Variants in KCTD5 observed in about 807,000 individuals in gnomAD.
The protein encoded by KCTD5 is BTB/POZ domain-containing protein KCTD5.
A neutral mutation model predicts 27.9 loss-of-function variants in KCTD5; 12 were observed. The observed-to-expected ratio is 0.43, with a 90% CI of 0.28 to 0.70. The LOEUF (loss-of-function observed/expected upper bound fraction) is 0.70. Ranked by LOEUF, KCTD5 falls within the 30% of genes least tolerant of loss-of-function variation. The pLI, the probability that KCTD5 is intolerant of heterozygous loss-of-function variation, is 0.19. For synonymous variants in KCTD5, 147 were observed against 121.4 expected (o/e 1.21, Z -1.39); for missense variants, 226 against 274.8 (o/e 0.82, Z 1.26).
At chr16:2,682,860 C>T in intron 1 of KCTD5, 60 bp downstream of exon 1, 1 of 1,521,000 alleles carries the variant, frequency 6.6e-7, no homozygotes, top group Non-Finnish European at 8.7e-7. Flanking sequence ...GGCTCCTGCA[C>T]ACGCCCTGCT....
chr16:2,701,957 C>G (rs1411892439), intron 4 of KCTD5, among the ~76,000 whole-genome samples: 1 of 152,200 alleles, frequency 6.6e-6, no homozygotes, highest in Admixed American at 6.5e-5. Context: ...CAGCGGCTTT[C>G]GGTCCAGTCA....
intron 5 of KCTD5, among the ~76,000 whole-genome samples, chr16:2,702,746 C>T (rs1402837811): frequency 6.6e-6 from 1 of 152,184 alleles, no homozygotes; most frequent in Non-Finnish European, 1.5e-5. Flanking sequence ...CTTAGGAATG[C>T]CACTGAGGGC....
chr16:2,688,332 C>G (rs559783131), intron 1 of KCTD5, among the ~76,000 whole-genome samples: 2 of 151,280 alleles, frequency 1.3e-5, no homozygotes, highest in East Asian at 1.9e-4. Context: ...CTCACTGCAA[C>G]CTCTGCCTCC....
chr16:2,698,920 G>A (rs1005971889), intron 3 of KCTD5, among the ~76,000 whole-genome samples: 6 of 152,228 alleles, frequency 3.9e-5, no homozygotes, highest in African/African-American at 1.2e-4. Context: ...CCCTGCCTCA[G>A]TCTACCTACC....
At chr16:2,690,558 TC>T (rs1384594545) in intron 1 of KCTD5, among the ~76,000 whole-genome samples, 1 of 152,182 alleles carries the variant, frequency 6.6e-6, no homozygotes, top group Non-Finnish European at 1.5e-5. Flanking sequence ...CTTCCTGAGA[TC>T]AAGCGCAGCC....
chr16:2,691,125 G>A (rs2067564774), intron 1 of KCTD5, among the ~76,000 whole-genome samples: 1 of 152,206 alleles, frequency 6.6e-6, no homozygotes, highest in Non-Finnish European at 1.5e-5. Flanking sequence ...AGGCCACAGC[G>A]AGACCCGAAC....
In KCTD5 at chr16:2,708,901, T is replaced by C. The variant is rs1567197682; in HGVS notation, c.*1574T>C. 6.6e-6 allele frequency: 1 copy of C among 152,244 alleles called. No individual in the cohort carries two copies. Among genetic ancestry groups the C allele is most frequent in the Non-Finnish European group, 1.5e-5 (1 of 68,034 alleles). 9.4% of individuals were successfully genotyped at this position (152,244 alleles called of 1,614,324 possible). On this transcript the variant is annotated 3_prime_UTR_variant, in exon 6 of 6. Coordinates refer to ENST00000301738, the MANE Select transcript of KCTD5 (RefSeq NM_018992.4). ...TTTTTAATTTAAAGATATTAAGACT[T>C]AATTCACTAAAATTTATTCTAAGGG... is the stretch of plus-strand genomic sequence containing the variant.
chr16:2,706,684 G>A (rs1220113656), intron 5 of KCTD5, among the ~76,000 whole-genome samples: 2 of 152,016 alleles, frequency 1.3e-5, no homozygotes, highest in Non-Finnish European at 2.9e-5. Flanking sequence ...GCAGGGGGCC[G>A]AGGGGCCGTG....
intron 4 of KCTD5, among the ~76,000 whole-genome samples, chr16:2,701,934 A>G (rs2067613737): frequency 6.6e-6 from 1 of 152,166 alleles, no homozygotes; most frequent in Admixed American, 6.5e-5. Flanking sequence ...ACTCCTGGAC[A>G]GCACAGCTCC....
rs2067646596 is a variant in KCTD5, at chr16:2,708,295, A to G, written c.*968A>G. The G allele has an allele frequency of 6.5e-6, 1 of 152,704 alleles. No homozygotes were observed. Among genetic ancestry groups the G allele is most frequent in the South Asian group, 2.1e-4 (1 of 4,836 alleles). The allele number at this position is 152,704 out of a possible 1,614,324, so 9.5% of individuals were successfully genotyped here. ...GCTCTCTCATTTTCTTTGTATAACT[A>G]TGCAGCCTTCCCTCTCTTTCTGGGA... On this transcript the variant is annotated 3_prime_UTR_variant, in exon 6 of 6. Coordinates refer to ENST00000301738, the MANE Select transcript of KCTD5 (RefSeq NM_018992.4).
intron 3 of KCTD5, chr16:2,699,036 G>C: frequency 2.3e-6 from 1 of 430,542 alleles, no homozygotes; most frequent in South Asian, 1.7e-5. Flanking sequence ...AGCAACTCGG[G>C]CATGTGACCT....
intron 5 of KCTD5, among the ~76,000 whole-genome samples, chr16:2,704,722 C>A (rs1306098135): frequency 6.6e-6 from 1 of 152,214 alleles, no homozygotes; most frequent in African/African-American, 2.4e-5. Context: ...CCACCGCCTG[C>A]CCCCGTGGCT....
chr16:2,688,781 G>T (rs1485984447), intron 1 of KCTD5, among the ~76,000 whole-genome samples: 8 of 66,266 alleles, frequency 1.2e-4, no homozygotes, highest in East Asian at 7.4e-4. Flanking sequence ...CACCTCTGGG[G>T]ACTGGACCCT....
chr16:2,687,816 G>A (rs911168020), intron 1 of KCTD5, among the ~76,000 whole-genome samples: 2 of 152,288 alleles, frequency 1.3e-5, no homozygotes, highest in African/African-American at 2.4e-5. Flanking sequence ...CCTGCCTGGC[G>A]CCATGGGAGG....
chr16:2,688,295 G>A (rs865817391), intron 1 of KCTD5, among the ~76,000 whole-genome samples: 2 of 150,424 alleles, frequency 1.3e-5, no homozygotes, highest in East Asian at 3.9e-4. Context: ...CTGTCCCCCA[G>A]GCTGGAGTGT....
At chr16:2,697,769 G>C (rs1567195023) in intron 2 of KCTD5, 137 bp from the exon 3 acceptor site, 1 of 649,092 alleles carries the variant, frequency 1.5e-6, no homozygotes, top group Admixed American at 2.7e-5. Context: ...TGTTAGGTCG[G>C]GGCCTGAGCA....
At chr16:2,701,987 C>T (rs985379619) in intron 4 of KCTD5, among the ~76,000 whole-genome samples, 3 of 152,214 alleles carry the variant, frequency 2.0e-5, no homozygotes, top group Non-Finnish European at 4.4e-5. Context: ...AGGCTCTTCC[C>T]TCCAGGTTTT....
intron 4 of KCTD5, 59 bp downstream of exon 4, chr16:2,699,975 T>C: frequency 6.8e-7 from 1 of 1,478,894 alleles, no homozygotes; most frequent in Non-Finnish European, 9.4e-7. Flanking sequence ...GTGCTCACAA[T>C]GGCTCAGGGC....
At chr16:2,696,586 G>A (rs1358226605) in intron 2 of KCTD5, among the ~76,000 whole-genome samples, 2 of 152,238 alleles carry the variant, frequency 1.3e-5, no homozygotes, top group African/African-American at 4.8e-5. Flanking sequence ...TGTGTGCTGC[G>A]GTGCTGGCTT....
Sources: allele counts gnomAD v4.1 joint callset (sites outside exome capture counted in the v4.1 genomes callset), GRCh38; gene constraint gnomAD v4.1.1; transcripts MANE v1.5; gene names NCBI Gene and HGNC (gene_info 2026-07-23, HGNC 2026-07-21).